The following IPO11 variants were observed in gnomAD, a reference collection of about 807,000 sequenced individuals.
IPO11 encodes importin 11.
IPO11 carries 66 observed loss-of-function variants against 143.2 expected under a neutral mutation model. The observed-to-expected ratio is 0.46, with a 90% CI of 0.38 to 0.57. The LOEUF (loss-of-function observed/expected upper bound fraction) is 0.57. Among genes scored for constraint, IPO11 ranks in the 20% least tolerant of loss-of-function variants. IPO11 has a pLI of 0.00. For synonymous variants in IPO11, 385 were observed against 377.8 expected (o/e 1.02, Z -0.22); for missense variants, 1,026 against 1,141.0 (o/e 0.90, Z 1.45).
chr5:62,508,194 C>T (rs1741624833), intron 19 of IPO11, among the ~76,000 whole-genome samples: 1 of 152,126 alleles, frequency 6.6e-6, no homozygotes, highest in South Asian at 2.1e-4. Context: ...TGGCGCATCT[C>T]AGCTGACTGT....
chr5:62,527,044 C>T (rs1742392815), intron 21 of IPO11, among the ~76,000 whole-genome samples: 2 of 145,990 alleles, frequency 1.4e-5, no homozygotes, highest in African/African-American at 5.0e-5. Context: ...TTAGAAATTA[C>T]TTTGGTGCAA....
intron 28 of IPO11, among the ~76,000 whole-genome samples, chr5:62,600,082 A>G (rs991842472): frequency 2.6e-5 from 4 of 152,200 alleles, no homozygotes; most frequent in African/African-American, 9.6e-5. Context: ...TCTGTTGCCC[A>G]GTCTGGAGTG....
intron 27 of IPO11, among the ~76,000 whole-genome samples, chr5:62,573,141 G>A (rs1348281186): frequency 1.3e-5 from 2 of 151,844 alleles, no homozygotes; most frequent in Non-Finnish European, 2.9e-5. Flanking sequence ...CTGCCTCCCG[G>A]CTTGTAGCTG....
chr5:62,613,291 T>G (rs1370629758), intron 29 of IPO11, among the ~76,000 whole-genome samples: 2 of 136,124 alleles, frequency 1.5e-5, no homozygotes, highest in Non-Finnish European at 3.1e-5. Context: ...CTATTCCACA[T>G]GCTCTTCTTT....
At chr5:62,454,945 C>T (rs920754252) in intron 5 of IPO11, among the ~76,000 whole-genome samples, 2 of 152,044 alleles carry the variant, frequency 1.3e-5, no homozygotes, top group Non-Finnish European at 2.9e-5. Context: ...GCTAGAGATA[C>T]CTGGAAAAAA....
chr5:62,562,518 A>G (rs553049368), intron 27 of IPO11, among the ~76,000 whole-genome samples: 1 of 152,034 alleles, frequency 6.6e-6, no homozygotes, highest in Non-Finnish European at 1.5e-5. Flanking sequence ...TAGGGTTACC[A>G]CTCCTATGAG....
chr5:62,555,800 G>T (rs1330337347), intron 26 of IPO11, among the ~76,000 whole-genome samples: 3 of 151,784 alleles, frequency 2.0e-5, no homozygotes, highest in African/African-American at 7.3e-5. Flanking sequence ...ACTGCGCCTG[G>T]CCCCACACCT....
intron 5 of IPO11, among the ~76,000 whole-genome samples, chr5:62,465,814 A>G (rs1745553853): frequency 6.6e-6 from 1 of 152,192 alleles, no homozygotes; most frequent in Non-Finnish European, 1.5e-5. Flanking sequence ...TTTAATTTGG[A>G]TAGAGAAAGG....
chr5:62,454,243 T>G (rs973497714), intron 5 of IPO11, among the ~76,000 whole-genome samples: 5 of 152,186 alleles, frequency 3.3e-5, no homozygotes, highest in Admixed American at 2.6e-4. Flanking sequence ...TCCTTTTCAC[T>G]TTTGCTTGAT....
intron 29 of IPO11, among the ~76,000 whole-genome samples, chr5:62,606,480 TAAAAAAAA>T (rs760722973): frequency 1.1e-4 from 6 of 56,108 alleles, no homozygotes; most frequent in Non-Finnish European, 1.8e-4. Flanking sequence ...GACCCTGTCT[TAAAAAAAA>T]AAAAAAAAAA....
intron 22 of IPO11, among the ~76,000 whole-genome samples, chr5:62,534,881 T>C (rs969181734): frequency 6.6e-6 from 1 of 152,182 alleles, no homozygotes; most frequent in Non-Finnish European, 1.5e-5. Context: ...TATTGCATGA[T>C]TGAAGTATAA....
chr5:62,477,915 A>G (rs1168503207), intron 9 of IPO11, among the ~76,000 whole-genome samples: 1 of 152,212 alleles, frequency 6.6e-6, no homozygotes, highest in Admixed American at 6.5e-5. Flanking sequence ...AGACTTTATT[A>G]AAGCTTTTTA....
intron 2 of IPO11, among the ~76,000 whole-genome samples, chr5:62,440,011 A>G (rs1744407495): frequency 6.6e-6 from 1 of 152,210 alleles, no homozygotes; most frequent in Non-Finnish European, 1.5e-5. Context: ...AGATCCACCA[A>G]CTTCCACAAT....
chr5:62,439,743 T>C (rs1364696744), intron 2 of IPO11, among the ~76,000 whole-genome samples: 1 of 152,164 alleles, frequency 6.6e-6, no homozygotes, highest in Non-Finnish European at 1.5e-5. Flanking sequence ...TTCTTTTAGA[T>C]GGAACAGATT....
intron 29 of IPO11, among the ~76,000 whole-genome samples, chr5:62,606,688 T>C (rs1745731485): frequency 6.6e-6 from 1 of 152,018 alleles, no homozygotes; most frequent in Non-Finnish European, 1.5e-5. Flanking sequence ...TACAAAAAAA[T>C]TAGCCGGGCG....
At chr5:62,600,206 G>A (rs1435846521) in intron 28 of IPO11, among the ~76,000 whole-genome samples, 2 of 152,014 alleles carry the variant, frequency 1.3e-5, no homozygotes, top group Non-Finnish European at 1.5e-5. Flanking sequence ...CGCCTGGCTA[G>A]TTTTTGTATT....
intron 26 of IPO11, among the ~76,000 whole-genome samples, chr5:62,556,533 G>A (rs1743581218): frequency 6.6e-6 from 1 of 151,990 alleles, no homozygotes; most frequent in African/African-American, 2.4e-5. Context: ...GAAGCCAGGA[G>A]CTTAAGACCA....
intron 29 of IPO11, among the ~76,000 whole-genome samples, chr5:62,625,629 A>G (rs998785526): frequency 2.6e-5 from 4 of 152,256 alleles, no homozygotes; most frequent in Non-Finnish European, 4.4e-5. Context: ...AGTAATGGAA[A>G]GAGAACAAAA....
chr5:62,486,559 G>A (rs533490675), intron 12 of IPO11, among the ~76,000 whole-genome samples: 8 of 152,148 alleles, frequency 5.3e-5, no homozygotes, highest in South Asian at 2.1e-4. Flanking sequence ...ATGTTTTGCC[G>A]TTACCAGATG....
Sources: allele counts gnomAD v4.1 joint callset (sites outside exome capture counted in the v4.1 genomes callset), GRCh38; gene constraint gnomAD v4.1.1; transcripts MANE v1.5; gene names NCBI Gene and HGNC (gene_info 2026-07-23, HGNC 2026-07-21).